The following GOLGA4 variants were observed in gnomAD, a reference collection of about 807,000 sequenced individuals.
GOLGA4 encodes the protein golgin A4.
In GOLGA4, 169 loss-of-function variants were observed where a neutral mutation model predicts 265.9. That is an observed-to-expected ratio of 0.64 (90% CI 0.56 to 0.72). The LOEUF (loss-of-function observed/expected upper bound fraction) is 0.72. Ranked by LOEUF, GOLGA4 falls within the 30% of genes least tolerant of loss-of-function variation. The probability of loss-of-function intolerance (pLI) is 0.00; values close to 1 mark genes in which losing one functional copy is unlikely to be tolerated. For synonymous variants in GOLGA4, 923 were observed against 855.8 expected (o/e 1.08, Z -1.37); for missense variants, 2,482 against 2,483.4 (o/e 1.00, Z 0.01).
At chr3:37,246,942 G>A (rs1253991773) in intron 1 of GOLGA4, among the ~76,000 whole-genome samples, 3 of 152,026 alleles carry the variant, frequency 2.0e-5, no homozygotes, top group African/African-American at 7.2e-5. Flanking sequence ...AAAAAAACCA[G>A]CAAACAGTTC....
Position 37,366,313 on chromosome 3 carries a change from A to G in GOLGA4, c.*267A>G, listed in dbSNP as rs1480437672. 1 of 430,058 alleles carries G rather than the reference A, an allele frequency of 2.3e-6. No homozygotes were observed. Among genetic ancestry groups the G allele is most frequent in the East Asian group, 3.3e-5 (1 of 29,998 alleles). 26.6% of individuals were successfully genotyped at this position (430,058 alleles called of 1,614,324 possible). A position where few individuals can be genotyped will look rare whatever the true frequency, so the allele number is the denominator to read the frequency against. Reference sequence around the variant, plus strand: ...TCAGTTTTCTCTTGGGAAGAGTTTTATGTTGTTTAAAAGATATTTTGATAA... The same window carrying G: ...TCAGTTTTCTCTTGGGAAGAGTTTTGTGTTGTTTAAAAGATATTTTGATAA... On this transcript the variant is annotated 3_prime_UTR_variant, in exon 24 of 24. Coordinates refer to ENST00000361924, the MANE Select transcript of GOLGA4 (RefSeq NM_002078.5).
Position 37,325,708 on chromosome 3 carries a change from A to G in GOLGA4, c.3822A>G (p.Leu1274=). The G allele has an allele frequency of 6.2e-7, 1 of 1,613,650 alleles. No homozygotes were observed. The highest frequency in any genetic ancestry group is 8.5e-7 in the Non-Finnish European group (1 of 1,179,558). ...TTAAAACTTGCACAGTTTCTGAATT[A>G]GAAGCACAACTTAGACAGTTGACAG... ...LLIKTCTVSE[L]EAQLRQLTEE... Residue 1274 remains leucine (L), a synonymous_variant, in exon 14 of 24, where the codon TTA becomes TTG. Coordinates refer to ENST00000361924, the MANE Select transcript of GOLGA4 (RefSeq NM_002078.5).
At chr3:37,278,539 A>G (rs1370853837) in intron 2 of GOLGA4, among the ~76,000 whole-genome samples, 1 of 152,170 alleles carries the variant, frequency 6.6e-6, no homozygotes, top group Non-Finnish European at 1.5e-5. Flanking sequence ...GAATAGTCCA[A>G]AAAGACTAAA....
intron 18 of GOLGA4, among the ~76,000 whole-genome samples, chr3:37,337,413 G>T (rs1425494262): frequency 6.6e-6 from 1 of 151,968 alleles, no homozygotes; most frequent in Non-Finnish European, 1.5e-5. Flanking sequence ...GTTTTGCCAT[G>T]TTGGCCAGGC....
rs953380747 is a variant in GOLGA4, at chr3:37,353,596, G to A, written c.6577-1505G>A. On this transcript the variant is annotated intron_variant, in intron 21 of 23. Coordinates refer to ENST00000361924, the MANE Select transcript of GOLGA4 (RefSeq NM_002078.5). ...CTTACTCTGTCACCTGAGTGATAGC[G>A]GTGCGATCGTAGTTCACTGCAACCT... Among the ~76,000 whole-genome samples the A allele has an allele frequency of 2.6e-5, 4 of 152,132 alleles. No individual in the cohort carries two copies. The South Asian group carries it at 8.3e-4, about 32-fold the overall frequency.
At position 37,327,682 on chromosome 3, in the gene GOLGA4, A is replaced by G; in HGVS notation, c.5796A>G (p.Leu1932=). 6.2e-7 allele frequency: 1 copy of G among 1,614,064 alleles called. No homozygotes were observed. The highest frequency in any genetic ancestry group is 8.5e-7 in the Non-Finnish European group (1 of 1,179,936). Residue 1932 remains leucine, a synonymous_variant, in exon 14 of 24, where the codon TTA becomes TTG. Transcript: ENST00000361924. Reference sequence around the variant, plus strand: ...AGCACAATGATCTGGAGTTTAAATTAGCCGGGGCAGAACGGGAGAAACAGA... The same window carrying G: ...AGCACAATGATCTGGAGTTTAAATTGGCCGGGGCAGAACGGGAGAAACAGA... The part of the protein sequence containing the change: ...EAQHNDLEFK[L]AGAEREKQKL...
At chr3:37,313,953 A>G (rs1401846055) in intron 10 of GOLGA4, among the ~76,000 whole-genome samples, 2 of 150,596 alleles carry the variant, frequency 1.3e-5, no homozygotes, top group East Asian at 1.9e-4. Context: ...AAATACACGT[A>G]AACACACATG....
intron 6 of GOLGA4, among the ~76,000 whole-genome samples, chr3:37,295,732 T>C (rs1306319208): frequency 6.6e-5 from 10 of 152,226 alleles, no homozygotes; most frequent in Non-Finnish European, 1.5e-5. Context: ...TTTTTGTATG[T>C]GTGGATTCAA....
intron 16 of GOLGA4, among the ~76,000 whole-genome samples, chr3:37,333,046 C>T (rs943298763): frequency 5.3e-5 from 8 of 152,204 alleles, no homozygotes; most frequent in African/African-American, 1.9e-4. Context: ...GGCCCAGTGC[C>T]TGGCACATAC....
chr3:37,281,970 C>T lies in GOLGA4; in HGVS notation c.175C>T (p.Gln59Ter), dbSNP rs369775171. ...GTPNRESGDTQSFAQKLQLRV... is the reference protein window; with the variant it reads ...GTPNRESGDT ...GTTTTGGTTGCAGTCAGGTGACACA[C>T]AGTCTTTTGCACAGAAGCTCCAGCT... Residue 59 changes from glutamine to a stop codon, truncating the protein, a stop_gained, in exon 3 of 24, where the codon CAG becomes TAG. Coordinates refer to ENST00000361924, the MANE Select transcript of GOLGA4 (RefSeq NM_002078.5). LOFTEE classifies it high-confidence loss of function. 1.9e-6 allele frequency: 3 copies of T among 1,611,652 alleles called. No individual in the cohort carries two copies. Among genetic ancestry groups the T allele is most frequent in the Non-Finnish European group, 2.5e-6 (3 of 1,178,302 alleles).
At position 37,324,924 on chromosome 3, in the gene GOLGA4, G is replaced by C; in HGVS notation, c.3038G>C (p.Gly1013Ala). 6.2e-7 allele frequency: 1 copy of C among 1,612,052 alleles called. No homozygotes were observed. The highest frequency in any genetic ancestry group is 8.5e-7 in the Non-Finnish European group (1 of 1,179,420). Residue 1013 changes from glycine to alanine, a missense_variant, in exon 14 of 24, where the codon GGA becomes GCA. Coordinates refer to ENST00000361924, the MANE Select transcript of GOLGA4 (RefSeq NM_002078.5). ...MLEMAQANSA[G>A]ISDAVSRLET... The stretch of plus-strand genomic sequence containing the variant: ...GAAATGGCACAGGCTAACTCAGCTG[G>C]AATCAGTGATGCAGTGTCAAGACTG...
In GOLGA4 at chr3:37,366,830, G is replaced by A. The variant is rs889180429; in HGVS notation, c.*784G>A. 2 of 152,124 alleles carry A rather than the reference G, an allele frequency of 1.3e-5. No individual in the cohort carries two copies. Among genetic ancestry groups the A allele is most frequent in the African/African-American group, 4.8e-5 (2 of 41,406 alleles). The allele number at this position is 152,124 out of a possible 1,614,324, so 9.4% of individuals were successfully genotyped here. On this transcript the variant is annotated 3_prime_UTR_variant, in exon 24 of 24. Coordinates refer to ENST00000361924, the MANE Select transcript of GOLGA4 (RefSeq NM_002078.5). ...TGCATATTCTATTTGGATGAATTTA[G>A]TGAGGAATTATTTGTCAATATAACT...
At chr3:37,304,886 G>A (rs1043353528) in intron 10 of GOLGA4, among the ~76,000 whole-genome samples, 5 of 151,602 alleles carry the variant, frequency 3.3e-5, no homozygotes, top group South Asian at 2.1e-4. Flanking sequence ...ATTTGATAGC[G>A]TAAAGGTTTA....
In GOLGA4 at chr3:37,324,393, T is replaced by C. The variant is rs768026537; in HGVS notation, c.2507T>C (p.Ile836Thr). ...QKLLDLETER[I>T]LLTKQVAEVE... ...TTGTTGGATTTGGAAACAGAAAGAA[T>C]TCTTCTTACCAAACAGGTTGCTGAA... Residue 836 changes from isoleucine to threonine, a missense_variant, in exon 14 of 24, where the codon ATT (isoleucine) becomes ACT (threonine). Ile to Thr is a moderately conservative substitution (Grantham distance 89). This residue lies in a region of GOLGA4 where 1,536 missense variants were observed against 1,483.7 expected (regional missense o/e 1.04). Transcript: ENST00000361924. 4 of 1,614,196 alleles carry C rather than the reference T, an allele frequency of 2.5e-6. No individual in the cohort carries two copies. Among genetic ancestry groups the C allele is most frequent in the Non-Finnish European group, 3.4e-6 (4 of 1,180,018 alleles).
intron 20 of GOLGA4, among the ~76,000 whole-genome samples, chr3:37,345,147 C>T (rs1243468808): frequency 1.3e-5 from 2 of 152,138 alleles, no homozygotes; most frequent in Non-Finnish European, 2.9e-5. Flanking sequence ...GAGGTTGAAG[C>T]TGCAGTGAGC....
rs1465419915 is a variant in GOLGA4, at chr3:37,260,094, AAAG to A, written c.162+8619_162+8621del. 7.2e-5 allele frequency among the ~76,000 whole-genome samples: 11 copies of A among 151,830 alleles called. No homozygotes were observed. The East Asian group carries it at 9.7e-4, about 13-fold the overall frequency. ...TCTTTTGGCTTCCCTGGGCACATTG[AAAG>A]AAGAAGAATTGTCTTGGGCCACACA... On this transcript the variant is annotated intron_variant, in intron 2 of 23. Transcript: ENST00000361924.
At chr3:37,363,026 C>T (rs1696456057) in intron 23 of GOLGA4, among the ~76,000 whole-genome samples, 1 of 152,006 alleles carries the variant, frequency 6.6e-6, no homozygotes, top group Non-Finnish European at 1.5e-5. Context: ...TCATGATCTG[C>T]CCACCTTGGC....
intron 22 of GOLGA4, among the ~76,000 whole-genome samples, chr3:37,358,013 A>G (rs1232446796): frequency 1.3e-5 from 2 of 152,120 alleles, no homozygotes; most frequent in Non-Finnish European, 2.9e-5. Flanking sequence ...GTGTTTTGTT[A>G]TTTTTGCCTA....
chr3:37,325,035 AACTT>A lies in GOLGA4; in HGVS notation c.3151_3154del (p.Leu1051IlefsTer22). 6.2e-7 allele frequency: 1 copy of A among 1,612,882 alleles called. No homozygotes were observed. Among genetic ancestry groups the A allele is most frequent in the Middle Eastern group, 1.7e-4 (1 of 6,050 alleles). On this transcript the variant is annotated frameshift_variant, in exon 14 of 24. Transcript: ENST00000361924. LOFTEE classifies it high-confidence loss of function. Reference sequence around the variant, plus strand: ...GATGTCATATCAATCTGGGAAAAGAAACTTAATCAGCAAGCTGAAGAACTTCAGG... The same window carrying A: ...GATGTCATATCAATCTGGGAAAAGAAAATCAGCAAGCTGAAGAACTTCAGG...
Sources: allele counts gnomAD v4.1 joint callset (sites outside exome capture counted in the v4.1 genomes callset), GRCh38; gene constraint gnomAD v4.1.1; regional missense constraint gnomAD v4.1.1; transcripts MANE v1.5; gene names NCBI Gene and HGNC (gene_info 2026-07-23, HGNC 2026-07-21).